The following LPGAT1 variants were observed in gnomAD, a reference collection of about 807,000 sequenced individuals.
The protein encoded by LPGAT1 is acyl-CoA:lysophosphatidylglycerol acyltransferase 1.
A neutral mutation model predicts 47.5 loss-of-function variants in LPGAT1; 11 were observed. The ratio of observed to expected loss-of-function variants is 0.23; its 90% CI spans 0.15 to 0.38. LPGAT1 has a LOEUF of 0.38. LPGAT1 is among the 10% of genes least tolerant of loss of function. LPGAT1 has a pLI of 1.00. For missense variants in LPGAT1, 293 were observed against 439.0 expected (o/e 0.67, Z 2.97); for synonymous variants, 138 against 144.2 (o/e 0.96, Z 0.31).
At chr1:211,774,415 C>A (rs1423243349) in intron 6 of LPGAT1, among the ~76,000 whole-genome samples, 1 of 152,042 alleles carries the variant, frequency 6.6e-6, no homozygotes, top group Non-Finnish European at 1.5e-5. Context: ...TGTGCACAGC[C>A]TGAAAGACTC....
At chr1:211,751,855 T>A (rs192370140) in intron 6 of LPGAT1, among the ~76,000 whole-genome samples, 54 of 152,322 alleles carry the variant, frequency 3.5e-4, no homozygotes, top group Non-Finnish European at 5.9e-4. Context: ...CCTCTTCCCT[T>A]CATTTCTGCC....
chr1:211,804,070 C>CTTATTT (rs1170870586), intron 2 of LPGAT1, among the ~76,000 whole-genome samples: 10 of 151,574 alleles, frequency 6.6e-5, no homozygotes, highest in African/African-American at 9.7e-5. Context: ...TCAAAATTGG[C>CTTATTT]TTATTTTTAT....
intron 4 of LPGAT1, among the ~76,000 whole-genome samples, chr1:211,785,492 C>T (rs879562275): frequency 3.3e-5 from 5 of 151,638 alleles, no homozygotes; most frequent in Non-Finnish European, 7.4e-5. Context: ...CCAGAAACTT[C>T]GAAATATAAT....
At chr1:211,795,653 C>A (rs1358239765) in intron 2 of LPGAT1, among the ~76,000 whole-genome samples, 2 of 152,150 alleles carry the variant, frequency 1.3e-5, no homozygotes, top group South Asian at 4.1e-4. Context: ...AGGCCTGAGC[C>A]ACCGCGCCCA....
chr1:211,779,437 A>G (rs910610447), intron 5 of LPGAT1, among the ~76,000 whole-genome samples: 1 of 135,588 alleles, frequency 7.4e-6, no homozygotes, highest in Non-Finnish European at 1.6e-5. Context: ...TTCACTAAAT[A>G]TAATATAATA....
chr1:211,792,070 T>C (rs983901362), intron 3 of LPGAT1: 1 of 151,670 alleles, frequency 6.6e-6, no homozygotes, highest in African/African-American at 2.4e-5. Flanking sequence ...TTTATAAATA[T>C]TTATTCTATC....
chr1:211,765,994 G>T (rs527929345), intron 6 of LPGAT1, among the ~76,000 whole-genome samples: 27 of 152,140 alleles, frequency 1.8e-4, no homozygotes, highest in Admixed American at 1.5e-3. Context: ...CAAAAAGGTA[G>T]AGGAAGGGCA....
chr1:211,772,314 T>C (rs1198514179), intron 6 of LPGAT1, among the ~76,000 whole-genome samples: 1 of 152,224 alleles, frequency 6.6e-6, no homozygotes, highest in African/African-American at 2.4e-5. Context: ...ACTACACTGT[T>C]TTAATTACAT....
At position 211,830,587 on chromosome 1, in the gene LPGAT1, G is replaced by A; in HGVS notation, c.-42C>T. The A allele has an allele frequency of 8.3e-7, 1 of 1,209,266 alleles. No homozygotes were observed. Among genetic ancestry groups the A allele is most frequent in the Non-Finnish European group, 1.0e-6 (1 of 973,396 alleles). The allele number at this position is 1,209,266 out of a possible 1,614,324, so 74.9% of individuals were successfully genotyped here. A position where few individuals can be genotyped will look rare whatever the true frequency, so the allele number is the denominator to read the frequency against. ...CCGGAGGTTACCTCGGGCTGGCCGG[G>A]CCCCAGCCGGGGCTTTGGGAGTCAG... On this transcript the variant is annotated 5_prime_UTR_variant, in exon 1 of 8. Transcript: ENST00000366997. This position sits in a 1 kb window ranked among gnomAD's most constrained non-coding sequence, Gnocchi z 5.9.
rs1359310858 is a variant in LPGAT1 at position 211,744,714 on chromosome 1, T to C, written c.*5185A>G. On this transcript the variant is annotated 3_prime_UTR_variant, in exon 8 of 8. Coordinates refer to ENST00000366997, the MANE Select transcript of LPGAT1 (RefSeq NM_014873.3). Reference sequence around the variant, plus strand: ...CTATCAGCAAAATTTATAACAAACATGTATAGTTGAATACATAATTTTCTC... The same window carrying C: ...CTATCAGCAAAATTTATAACAAACACGTATAGTTGAATACATAATTTTCTC... 6.6e-6 allele frequency: 1 copy of C among 152,242 alleles called. No homozygotes were observed. The highest frequency in any genetic ancestry group is 1.9e-4 in the East Asian group (1 of 5,204). The allele number at this position is 152,242 out of a possible 1,614,324, so 9.4% of individuals were successfully genotyped here. A position where few individuals can be genotyped will look rare whatever the true frequency, so the allele number is the denominator to read the frequency against.
rs1028414481 is a variant in LPGAT1 at position 211,783,723 on chromosome 1, A to C, written c.454-221T>G. On this transcript the variant is annotated intron_variant, in intron 4 of 7. Transcript: ENST00000366997. ...AACCTTTCTTTCTGAAGGAAAAGGA[A>C]ATTGTTCTGATTGCCCTTGAAAGTG... 2.0e-5 allele frequency among the ~76,000 whole-genome samples: 3 copies of C among 152,174 alleles called. No homozygotes were observed. The East Asian group carries it at 5.8e-4, about 29-fold the overall frequency.
rs1423336688 is a variant in LPGAT1 at position 211,745,721 on chromosome 1, A to G, written c.*4178T>C. On this transcript the variant is annotated 3_prime_UTR_variant, in exon 8 of 8. Transcript: ENST00000366997. Reference sequence around the variant, plus strand: ...GGGATTGGCGCAAAATGATTACAATAAAGCACCAACCAATGACTGCTCCAG... The same window carrying G: ...GGGATTGGCGCAAAATGATTACAATGAAGCACCAACCAATGACTGCTCCAG... 1 of 152,640 alleles carries G rather than the reference A, an allele frequency of 6.6e-6. No individual in the cohort carries two copies. The highest frequency in any genetic ancestry group is 1.9e-4 in the East Asian group (1 of 5,194). 9.5% of individuals were successfully genotyped at this position (152,640 alleles called of 1,614,324 possible).
At chr1:211,784,354 C>T (rs1162579383) in intron 4 of LPGAT1, among the ~76,000 whole-genome samples, 3 of 151,774 alleles carry the variant, frequency 2.0e-5, no homozygotes, top group Non-Finnish European at 4.4e-5. Flanking sequence ...TAGCTGGGTG[C>T]GATGGCACAT....
At chr1:211,829,869 CTTTT>C in intron 1 of LPGAT1, 1 of 918,770 alleles carries the variant, frequency 1.1e-6, no homozygotes, top group Non-Finnish European at 1.3e-6. Context: ...TTTTGTTTCC[CTTTT>C]TTTTTTAAGA....
At chr1:211,780,982 T>C (rs1302191615) in intron 5 of LPGAT1, among the ~76,000 whole-genome samples, 1 of 152,168 alleles carries the variant, frequency 6.6e-6, no homozygotes, top group Non-Finnish European at 1.5e-5. Context: ...AAAATACTAA[T>C]CCTTTTAATC....
Position 211,787,688 on chromosome 1 carries a change from T to TA in LPGAT1, c.396dup (p.Lys133Ter). 6.2e-7 allele frequency: 1 copy of TA among 1,609,180 alleles called. No individual in the cohort carries two copies. The highest frequency in any genetic ancestry group is 8.5e-7 in the Non-Finnish European group (1 of 1,177,586). On this transcript the variant is annotated frameshift_variant, in exon 4 of 8. Transcript: ENST00000366997. LOFTEE classifies it high-confidence loss of function. ...GAAACAATTCCAAAGTTTGTGTACT[T>TA]AAAAATATGATCCATCAACCACATC... is the stretch of plus-strand genomic sequence containing the variant.
intron 2 of LPGAT1, among the ~76,000 whole-genome samples, chr1:211,803,959 A>G (rs1258811065): frequency 6.6e-6 from 1 of 152,128 alleles, no homozygotes; most frequent in African/African-American, 2.4e-5. Context: ...GGGTTTTGCC[A>G]TGTTGGCCAT....
intron 6 of LPGAT1, among the ~76,000 whole-genome samples, chr1:211,769,582 T>C (rs1658079366): frequency 6.6e-6 from 1 of 152,340 alleles, no homozygotes; most frequent in African/African-American, 2.4e-5. Flanking sequence ...GGCTACTCCA[T>C]AGACAGAGCA....
In LPGAT1 at chr1:211,788,553, G is replaced by A. The variant is rs193152888; in HGVS notation, c.358-826C>T. On this transcript the variant is annotated intron_variant, in intron 3 of 7. Transcript: ENST00000366997. ...AAAAATTAGCCAGGCGTGGTGGTGC[G>A]TGCCTGTAATCCCAGCTACTCGGGA... Among the ~76,000 whole-genome samples, 256 of 151,934 alleles carry A rather than the reference G, an allele frequency of 1.7e-3. 3 individuals carry two copies. Among genetic ancestry groups the A allele is most frequent in the Admixed American group, 1.4e-3 (22 of 15,254 alleles).
Sources: allele counts gnomAD v4.1 joint callset (sites outside exome capture counted in the v4.1 genomes callset), GRCh38; gene constraint gnomAD v4.1.1; non-coding constraint Gnocchi (gnomAD v3.1); transcripts MANE v1.5; gene names NCBI Gene and HGNC (gene_info 2026-07-23, HGNC 2026-07-21).